Variants in SMG5 observed in about 807,000 individuals in gnomAD.
The protein encoded by SMG5 is nonsense-mediated mRNA decay factor SMG5.
In SMG5, 53 loss-of-function variants were observed where a neutral mutation model predicts 122.9. That is an observed-to-expected ratio of 0.43 (90% CI 0.35 to 0.54). The LOEUF is 0.54. SMG5 is among the 20% of genes least tolerant of loss of function. SMG5 has a pLI of 0.01. For synonymous variants in SMG5, 477 were observed against 490.2 expected, an observed-to-expected ratio of 0.97 and a Z score of 0.35; for missense variants, 1,153 against 1,285.6, an observed-to-expected ratio of 0.90 and a Z score of 1.58.
chr1:156,279,062 C>G (rs1346087511), intron 1 of SMG5, 28 bp from the exon 2 acceptor site: 1 of 1,584,654 alleles, frequency 6.3e-7, no homozygotes, highest in African/African-American at 1.3e-5. Context: ...CAAATATCCC[C>G]TCAGCCATAT....
At chr1:156,265,354 C>G (rs185781931) in intron 12 of SMG5, among the ~76,000 whole-genome samples, 1 of 152,004 alleles carries the variant, frequency 6.6e-6, no homozygotes, top group African/African-American at 2.4e-5. Flanking sequence ...CCTTAACAAA[C>G]GGTTGCTGCT....
intron 13 of SMG5, among the ~76,000 whole-genome samples, chr1:156,261,890 CA>C (rs61569049): frequency 0.23 from 20,317 of 89,940 alleles, 1,864 homozygotes; most frequent in African/African-American, 0.32. Context: ...AACTCCTTCT[CA>C]AAAAAAAAAA....
intron 1 of SMG5, 42 bp downstream of exon 1, chr1:156,282,565 C>G (rs1179333278): frequency 6.3e-7 from 1 of 1,577,214 alleles, no homozygotes; most frequent in Non-Finnish European, 8.6e-7. Context: ...GCCGTCTCCC[C>G]ACTTCCCTCG....
rs1255651732 is a variant in SMG5 at position 156,259,116 on chromosome 1, G to C, written c.2331C>G (p.Ala777=). Residue 777 remains alanine, a synonymous_variant, in exon 16 of 22, where the codon GCC becomes GCG. Coordinates refer to ENST00000361813, the MANE Select transcript of SMG5 (RefSeq NM_015327.3). The part of the protein sequence containing the change: ...CCIRSFGHFI[A]RLQGSILQFN... ...ACTGCAGGATGCTGCCTTGCAGGCG[G>C]GCGATGAAATGACCAAAGCTGCGGA... 6 of 1,607,752 alleles carry C rather than the reference G, an allele frequency of 3.7e-6. No homozygotes were observed. Among genetic ancestry groups the C allele is most frequent in the Non-Finnish European group, 5.1e-6 (6 of 1,177,220 alleles).
chr1:156,268,176 C>A lies in SMG5; in HGVS notation c.847G>T (p.Asp283Tyr). 1 of 1,614,180 alleles carries A rather than the reference C, an allele frequency of 6.2e-7. No homozygotes were observed. The highest frequency in any genetic ancestry group is 8.5e-7 in the Non-Finnish European group (1 of 1,180,026). ...AAGTTCACTAGCAACCTTTTAATGTCTTTACATCTGAAATGAGAAGAGCCC... is the reference window on the plus strand; with the variant it reads ...AAGTTCACTAGCAACCTTTTAATGTATTTACATCTGAAATGAGAAGAGCCC... ...KLSPGKKRCKDIKRLLVNFMY... is the reference protein window; with the variant it reads ...KLSPGKKRCKYIKRLLVNFMY... Residue 283 changes from aspartate to tyrosine, a missense_variant, in exon 9 of 22, where the codon GAC becomes TAC. Transcript: ENST00000361813.
In SMG5 at chr1:156,265,036, TACACACACAC is replaced by T. The variant is rs35457785; in HGVS notation, c.1855+735_1855+744del. ...GTGAGACTCTGTCTCAAAAAAAAAATACACACACACACACACACACACACACACACACACA... is the reference window on the plus strand; with the variant it reads ...GTGAGACTCTGTCTCAAAAAAAAAATACACACACACACACACACACACACA... On this transcript the variant is annotated intron_variant, in intron 12 of 21. Transcript: ENST00000361813. 1.5e-3 allele frequency among the ~76,000 whole-genome samples: 189 copies of T among 122,818 alleles called. 1 individual carries two copies. Among genetic ancestry groups the T allele is most frequent in the African/African-American group, 5.4e-3 (167 of 30,852 alleles). 80.6% of individuals were successfully genotyped at this position (122,818 alleles called of 152,430 possible).
In SMG5 at chr1:156,249,801, G is replaced by A. The variant is rs1233880485; in HGVS notation, c.*786C>T. 2.1e-6 allele frequency: 1 copy of A among 471,238 alleles called. No homozygotes were observed. The highest frequency in any genetic ancestry group is 2.0e-5 in the African/African-American group (1 of 50,228). The allele number at this position is 471,238 out of a possible 1,614,324, so 29.2% of individuals were successfully genotyped here. On this transcript the variant is annotated 3_prime_UTR_variant, in exon 22 of 22. Transcript: ENST00000361813. The stretch of plus-strand genomic sequence containing the variant: ...TTCTGTCCCAGCACAGCAGCCAAGA[G>A]CACAAAGCACAGCACCTGTGGGGCT...
intron 5 of SMG5, among the ~76,000 whole-genome samples, chr1:156,274,020 T>C (rs953319281): frequency 2.6e-5 from 4 of 152,160 alleles, no homozygotes; most frequent in African/African-American, 9.7e-5. Context: ...CAGCTGACTC[T>C]CTGCACACAC....
chr1:156,277,284 CAG>C, intron 3 of SMG5, 43 bp from the exon 4 acceptor site: 1 of 1,588,964 alleles, frequency 6.3e-7, no homozygotes, highest in South Asian at 1.1e-5. Flanking sequence ...GCAATAAACT[CAG>C]AGTCGCACTC....
At chr1:156,291,181 G>A in the SMG5 span, 1 of 568,902 alleles carries the variant, frequency 1.8e-6, no homozygotes, top group African/African-American at 1.9e-5. Flanking sequence ...ATAAAGATGT[G>A]GGGAAGTCAA....
At position 156,264,267 on chromosome 1, in the gene SMG5, CAAAAAAAAA is replaced by C. The variant is rs1205363773; in HGVS notation, c.1856-706_1856-698del. 4.3e-4 allele frequency among the ~76,000 whole-genome samples: 23 copies of C among 53,980 alleles called. No homozygotes were observed. The East Asian group carries it at 5.3e-3, about 13-fold the overall frequency. 35.4% of individuals were successfully genotyped at this position (53,980 alleles called of 152,430 possible). ...TGGGCAACAGAGCGAGACTCCGTCT[CAAAAAAAAA>C]AAAAAAAAAAAAAAAAAGAGTTACT... On this transcript the variant is annotated intron_variant, in intron 12 of 21. Transcript: ENST00000361813.
At chr1:156,283,716 C>T (rs552616951), upstream of SMG5, among the ~76,000 whole-genome samples, 3 of 152,334 alleles carry the variant, frequency 2.0e-5, no homozygotes, top group Non-Finnish European at 2.9e-5. Flanking sequence ...GCTGCAGCCA[C>T]CCACCTTCTT....
chr1:156,258,884 T>A, intron 16 of SMG5, 121 bp downstream of exon 16: 1 of 1,203,506 alleles, frequency 8.3e-7, no homozygotes, highest in Non-Finnish European at 1.1e-6. Flanking sequence ...CCCTCCCCTC[T>A]CCCTAGGCAT....
At chr1:156,270,418 A>G (rs1450217913) in intron 7 of SMG5, among the ~76,000 whole-genome samples, 1 of 152,200 alleles carries the variant, frequency 6.6e-6, no homozygotes, top group Non-Finnish European at 1.5e-5. Context: ...GGGCCAAATG[A>G]CCCAACCCTC....
Position 156,277,066 on chromosome 1 carries a change from C to A in SMG5, c.454+19G>T. The A allele has an allele frequency of 6.2e-7, 1 of 1,609,118 alleles. No homozygotes were observed. Among genetic ancestry groups the A allele is most frequent in the South Asian group, 1.1e-5 (1 of 90,554 alleles). ...AAGCATGAGAACCTGCTCAAGTCCA[C>A]CTTTCAGGTTCCACTGACCTATGAG... On this transcript the variant is annotated intron_variant, in intron 4 of 21. Transcript: ENST00000361813.
Position 156,266,119 on chromosome 1 carries a change from G to GTTCCCCC in SMG5, c.1510_1516dup (p.Thr506ArgfsTer6). 6.2e-7 allele frequency: 1 copy of GTTCCCCC among 1,614,160 alleles called. No individual in the cohort carries two copies. The highest frequency in any genetic ancestry group is 8.5e-7 in the Non-Finnish European group (1 of 1,180,038). On this transcript the variant is annotated frameshift_variant, in exon 12 of 22. Transcript: ENST00000361813. LOFTEE classifies it high-confidence loss of function. ...CGAGTCTGTTTCAGCATCAAAGGCC[G>GTTCCCCC]TTCCCCCACCTTCAAGACTCTTGTC...
At chr1:156,256,304 T>TTC (rs199942663) in intron 16 of SMG5, among the ~76,000 whole-genome samples, 24 of 129,168 alleles carry the variant, frequency 1.9e-4, no homozygotes, top group African/African-American at 6.2e-4. Context: ...GAGAGCCATC[T>TTC]TCTCTCTTTT....
Position 156,277,253 on chromosome 1 carries a change from G to A in SMG5, c.298-12C>T, listed in dbSNP as rs922354758. On this transcript the variant is annotated splice_polypyrimidine_tract_variant and intron_variant, in intron 3 of 21. Coordinates refer to ENST00000361813, the MANE Select transcript of SMG5 (RefSeq NM_015327.3). ...CGGCTGTGGATGTGCTACAGATTGC[G>A]AAAGGGAAGGGGCTGGTTAAGCAAT... 67 of 1,610,810 alleles carry A rather than the reference G, an allele frequency of 4.2e-5. No individual in the cohort carries two copies. The highest frequency in any genetic ancestry group is 1.9e-4 in the Middle Eastern group (1 of 5,142).
At chr1:156,275,566 C>A (rs1662645006) in intron 4 of SMG5, among the ~76,000 whole-genome samples, 1 of 152,230 alleles carries the variant, frequency 6.6e-6, no homozygotes, top group South Asian at 2.1e-4. Context: ...CAGAGACTGT[C>A]CTCTTATCCA....
Sources: allele counts gnomAD v4.1 joint callset (sites outside exome capture counted in the v4.1 genomes callset), GRCh38; gene constraint gnomAD v4.1.1; transcripts MANE v1.5; gene names NCBI Gene and HGNC (gene_info 2026-07-23, HGNC 2026-07-21).